ABCB11: variants seen among roughly 807,000 people sequenced by gnomAD.
ABCB11 encodes the protein bile salt export pump.
ABCB11 carries 95 observed loss-of-function variants against 148.0 expected under a neutral mutation model. The observed-to-expected ratio is 0.64, with a 90% CI of 0.54 to 0.76. The LOEUF (loss-of-function observed/expected upper bound fraction) is 0.76. ABCB11 is among the 30% of genes least tolerant of loss of function. The probability of loss-of-function intolerance (pLI) is 0.00; values close to 1 mark genes in which losing one functional copy is unlikely to be tolerated. For missense variants in ABCB11, 1,523 were observed against 1,617.8 expected, an observed-to-expected ratio of 0.94 and a Z score of 1.01; for synonymous variants, 591 against 555.4, an observed-to-expected ratio of 1.06 and a Z score of -0.90.
chr2:168,978,658 ATT>A (rs35154196), intron 11 of ABCB11, among the ~76,000 whole-genome samples: 14 of 149,028 alleles, frequency 9.4e-5, no homozygotes, highest in East Asian at 2.0e-4. Context: ...AGCTCAGGGC[ATT>A]TTTTTTTTTT....
chr2:168,987,491 T>C (rs1694366494), intron 9 of ABCB11, among the ~76,000 whole-genome samples: 1 of 152,166 alleles, frequency 6.6e-6, no homozygotes, highest in African/African-American at 2.4e-5. Context: ...TGCAGTAGCA[T>C]GATCACAGCT....
chr2:168,924,219 A>G (rs1205464871), intron 27 of ABCB11, among the ~76,000 whole-genome samples: 1 of 152,234 alleles, frequency 6.6e-6, no homozygotes, highest in African/African-American at 2.4e-5. Context: ...CATTAATTAT[A>G]CATTTTAAAT....
At chr2:168,988,022 A>C (rs2105999716) in intron 9 of ABCB11, among the ~76,000 whole-genome samples, 1 of 152,238 alleles carries the variant, frequency 6.6e-6, no homozygotes, top group African/African-American at 2.4e-5. Context: ...ACACTTAAAA[A>C]TCTATTCTTA....
intron 21 of ABCB11, among the ~76,000 whole-genome samples, chr2:168,943,512 CT>C (rs1692163060): frequency 6.6e-6 from 1 of 151,992 alleles, no homozygotes; most frequent in Non-Finnish European, 1.5e-5. Flanking sequence ...TAAAAATCTA[CT>C]GTAGAAGAAT....
intron 18 of ABCB11, among the ~76,000 whole-genome samples, chr2:168,958,999 C>T (rs1692929880): frequency 6.6e-6 from 1 of 151,612 alleles, no homozygotes; most frequent in South Asian, 2.1e-4. Context: ...ATATATACAG[C>T]AAATCGACTA....
intron 5 of ABCB11, among the ~76,000 whole-genome samples, chr2:169,002,106 C>T (rs1362850725): frequency 6.6e-6 from 1 of 151,938 alleles, no homozygotes; most frequent in Non-Finnish European, 1.5e-5. Flanking sequence ...CCGTAAGAAC[C>T]CAGGAGTGGC....
At chr2:168,992,067 A>G (rs1694546247) in intron 8 of ABCB11, among the ~76,000 whole-genome samples, 1 of 149,618 alleles carries the variant, frequency 6.7e-6, no homozygotes, top group Non-Finnish European at 1.5e-5. Context: ...CCAAGACTGG[A>G]AGCTGTTTTT....
chr2:168,962,220 C>G (rs781096059), intron 18 of ABCB11, among the ~76,000 whole-genome samples: 1 of 151,624 alleles, frequency 6.6e-6, no homozygotes, highest in Non-Finnish European at 1.5e-5. Flanking sequence ...TCTCTTCTTC[C>G]TTTCTATCTC....
intron 21 of ABCB11, among the ~76,000 whole-genome samples, chr2:168,939,151 T>A (rs1433754819): frequency 6.6e-6 from 1 of 152,096 alleles, no homozygotes; most frequent in African/African-American, 2.4e-5. Context: ...TAAAAAATGA[T>A]AAATATCCTT....
At chr2:168,965,292 AC>A (rs776254187) in intron 17 of ABCB11, among the ~76,000 whole-genome samples, 14 of 151,546 alleles carry the variant, frequency 9.2e-5, no homozygotes, top group African/African-American at 1.7e-4. Context: ...TTCAGACTCC[AC>A]CCTCCTCTTC....
intron 5 of ABCB11, among the ~76,000 whole-genome samples, chr2:169,001,872 C>T (rs142230612): frequency 6.6e-6 from 1 of 152,168 alleles, no homozygotes; most frequent in East Asian, 1.9e-4. Flanking sequence ...TACTTGGCTC[C>T]TGAGGGCTCT....
In ABCB11 at chr2:168,993,258, G is replaced by A. The variant is rs536629719; in HGVS notation, c.783+453C>T. Reference sequence around the variant, plus strand: ...GAAGTGCCCAAGCTTGGGAGGACATGGAGAACAATAGGCATATTGGAGAGT... The same window carrying A: ...GAAGTGCCCAAGCTTGGGAGGACATAGAGAACAATAGGCATATTGGAGAGT... On this transcript the variant is annotated intron_variant, in intron 8 of 27. Transcript: ENST00000650372. 2.6e-5 allele frequency among the ~76,000 whole-genome samples: 4 copies of A among 152,168 alleles called. No homozygotes were observed. The East Asian group carries it at 7.8e-4, about 30-fold the overall frequency.
chr2:169,016,937 C>T (rs1695376582), intron 2 of ABCB11, 138 bp from the exon 3 acceptor site: 1 of 545,350 alleles, frequency 1.8e-6, no homozygotes, highest in South Asian at 1.9e-5. Context: ...TGACTATTTG[C>T]CTTTTCTTTC....
chr2:168,923,482 A>C lies in ABCB11; in HGVS notation c.*140T>G. On this transcript the variant is annotated 3_prime_UTR_variant, in exon 28 of 28. Coordinates refer to ENST00000650372, the MANE Select transcript of ABCB11 (RefSeq NM_003742.4). ...TTAGCTTGGATTCCGATGTAGGAAA[A>C]TGACTGTAAAAGTAAAATATTAACA... 1 of 755,150 alleles carries C rather than the reference A, an allele frequency of 1.3e-6. No individual in the cohort carries two copies. Among genetic ancestry groups the C allele is most frequent in the Admixed American group, 2.9e-5 (1 of 34,702 alleles). 46.8% of individuals were successfully genotyped at this position (755,150 alleles called of 1,614,324 possible). A position where few individuals can be genotyped will look rare whatever the true frequency, so the allele number is the denominator to read the frequency against.
At chr2:168,985,674 A>G (rs1694294308) in intron 10 of ABCB11, among the ~76,000 whole-genome samples, 1 of 152,098 alleles carries the variant, frequency 6.6e-6, no homozygotes, top group South Asian at 2.1e-4. Context: ...CTGTTATTCT[A>G]AGTAAAGTAA....
At chr2:168,968,737 A>AT (rs34849968) in intron 16 of ABCB11, among the ~76,000 whole-genome samples, 17 of 150,916 alleles carry the variant, frequency 1.1e-4, no homozygotes, top group Admixed American at 2.0e-4. Context: ...AGAAACAGGT[A>AT]TTTTTTTTTA....
At chr2:168,950,762 G>A (rs956804657) in intron 19 of ABCB11, among the ~76,000 whole-genome samples, 3 of 151,704 alleles carry the variant, frequency 2.0e-5, no homozygotes, top group Admixed American at 6.6e-5. Flanking sequence ...CTTTTGCTGT[G>A]CAAAAGCTTT....
intron 5 of ABCB11, among the ~76,000 whole-genome samples, chr2:169,008,685 C>T (rs1695091040): frequency 6.6e-6 from 1 of 152,162 alleles, no homozygotes; most frequent in Admixed American, 6.5e-5. Flanking sequence ...CCCTCATACA[C>T]TGTTAGCAGA....
intron 5 of ABCB11, among the ~76,000 whole-genome samples, chr2:169,005,649 G>A (rs1233936164): frequency 3.9e-5 from 6 of 151,994 alleles, no homozygotes; most frequent in Admixed American, 6.6e-5. Context: ...GAAAGCAAGC[G>A]GACACACAGT....
Sources: gnomAD v4.1 joint callset for allele counts (sites outside exome capture counted in the v4.1 genomes callset) on GRCh38, gnomAD v4.1.1 for gene constraint, MANE v1.5 for transcripts, NCBI Gene and HGNC (gene_info 2026-07-23, HGNC 2026-07-21) for gene names.